CLSTN2: variants seen among roughly 807,000 people sequenced by gnomAD.
CLSTN2 encodes the protein calsyntenin-2.
CLSTN2 carries 48 observed loss-of-function variants against 101.2 expected under a neutral mutation model. That is an observed-to-expected ratio of 0.47 (90% CI 0.38 to 0.60). CLSTN2 has a LOEUF of 0.60. CLSTN2 is among the 20% of genes least tolerant of loss of function. The pLI is 0.00. For synonymous variants in CLSTN2, 481 were observed against 463.6 expected (o/e 1.04, Z -0.48); for missense variants, 1,160 against 1,238.2 (o/e 0.94, Z 0.95).
Position 140,403,768 on chromosome 3 carries a change from C to A in CLSTN2, c.372C>A (p.Ile124=), listed in dbSNP as rs74507604. 2.5e-3 allele frequency: 4,082 copies of A among 1,614,126 alleles called. 100 individuals carry two copies. The African/African-American group carries it at 0.047, about 18-fold the overall frequency. The change falls in exon 3 of 17, where the codon ATC becomes ATA. Residue 124 remains isoleucine, a synonymous_variant. Coordinates refer to ENST00000458420, the MANE Select transcript of CLSTN2 (RefSeq NM_022131.3). ...CELQKEYTFI[I]QAYDCGAGPH... ...TGCAGAAGGAGTACACATTCATCAT[C>A]CAGGCCTATGACTGTGGTGCTGGGC... is the stretch of plus-strand genomic sequence containing the variant.
Position 140,563,082 on chromosome 3 carries a change from C to A in CLSTN2, c.2361C>A (p.Val787=). Reference sequence around the variant, plus strand: ...GCACCTCTCCCCACTCTTCCCAGGTCAGCATCCTTCATGAAGACCAAGTCT... The same window carrying A: ...GCACCTCTCCCCACTCTTCCCAGGTAAGCATCCTTCATGAAGACCAAGTCT... ...RYTSNEFNLE[V]SILHEDQVSD... The change falls in exon 15 of 17, where the codon GTC becomes GTA. Residue 787 remains valine, a splice_region_variant and synonymous_variant. Coordinates refer to ENST00000458420, the MANE Select transcript of CLSTN2 (RefSeq NM_022131.3). The A allele has an allele frequency of 6.2e-7, 1 of 1,614,078 alleles. No individual in the cohort carries two copies.
intron 2 of CLSTN2, among the ~76,000 whole-genome samples, chr3:140,255,825 CT>C (rs1169090692): frequency 6.6e-6 from 1 of 152,102 alleles, no homozygotes; most frequent in Non-Finnish European, 1.5e-5. Context: ...ATAGAAATGT[CT>C]AGGGCTTGTT....
At chr3:140,043,683 T>C (rs1455254400) in intron 1 of CLSTN2, among the ~76,000 whole-genome samples, 1 of 152,326 alleles carries the variant, frequency 6.6e-6, no homozygotes, top group Non-Finnish European at 1.5e-5. Flanking sequence ...CTTTAATCCA[T>C]CTTGAATTAA....
chr3:140,413,789 G>A (rs997451022), intron 4 of CLSTN2, among the ~76,000 whole-genome samples: 1 of 152,034 alleles, frequency 6.6e-6, no homozygotes, highest in African/African-American at 2.4e-5. Context: ...TTAACATAAT[G>A]AAGGACAAAG....
chr3:140,496,757 C>T (rs1021851795), intron 8 of CLSTN2, among the ~76,000 whole-genome samples: 4 of 152,064 alleles, frequency 2.6e-5, no homozygotes, highest in Non-Finnish European at 5.9e-5. Flanking sequence ...TCTGGAGACC[C>T]CTGTTGGGAG....
At chr3:139,953,955 T>TGTGTGTGTGTGTGTGTG (rs1935342180) in intron 1 of CLSTN2, among the ~76,000 whole-genome samples, 1 of 24,256 alleles carries the variant, frequency 4.1e-5, no homozygotes, top group Non-Finnish European at 1.5e-4. Context: ...GTGTGTGTGT[T>TGTGTGTGTGTGTGTGTG]TGTGTTGGCT....
chr3:140,382,205 C>T (rs1351045295), intron 2 of CLSTN2, among the ~76,000 whole-genome samples: 1 of 152,198 alleles, frequency 6.6e-6, no homozygotes, highest in Non-Finnish European at 1.5e-5. Context: ...TTTGCAATCA[C>T]ATCTTTAATC....
intron 2 of CLSTN2, 144 bp from the exon 3 acceptor site, chr3:140,403,485 G>A: frequency 1.4e-6 from 1 of 705,634 alleles, no homozygotes; most frequent in Non-Finnish European, 2.5e-6. Context: ...AGGCAATGCT[G>A]ATGCTGCTGG....
chr3:140,466,835 C>G (rs367688300), intron 8 of CLSTN2, 104 bp downstream of exon 8: 4 of 1,485,664 alleles, frequency 2.7e-6, no homozygotes, highest in African/African-American at 2.8e-5. Context: ...GTCCTGACCA[C>G]TTGCTGAATT....
In CLSTN2 at chr3:140,562,181, T is replaced by C; in HGVS notation, c.2085T>C (p.Asp695=). The change falls in exon 13 of 17, where the codon GAT becomes GAC. Residue 695 remains aspartate (D), a synonymous_variant. Coordinates refer to ENST00000458420, the MANE Select transcript of CLSTN2 (RefSeq NM_022131.3). ...EVLEEMLHNL[D]FCDILVIGGD... ...TAGAGGAAATGCTTCATAACTTAGA[T>C]TTCTGTGACATTTTGGTGATCGGAG... 1.2e-6 allele frequency: 2 copies of C among 1,614,088 alleles called. No homozygotes were observed.
In CLSTN2 at chr3:140,528,985, A is replaced by G. The variant is rs142141915; in HGVS notation, c.1345-3339A>G. 9.2e-5 allele frequency among the ~76,000 whole-genome samples: 14 copies of G among 152,362 alleles called. No homozygotes were observed. The East Asian group carries it at 2.7e-3, about 29-fold the overall frequency. ...TTGACAGATAGTAGTTGGTAGGTGA[A>G]TGTATCTTATGTTGAATAGCTGCAT... On this transcript the variant is annotated intron_variant, in intron 8 of 16. Transcript: ENST00000458420.
intron 2 of CLSTN2, among the ~76,000 whole-genome samples, chr3:140,214,747 G>C (rs2107848662): frequency 6.6e-6 from 1 of 152,318 alleles, no homozygotes; most frequent in Non-Finnish European, 1.5e-5. Flanking sequence ...AGACAGCTTT[G>C]AGAACAGGGA....
rs1173990872 is a variant in CLSTN2, at chr3:140,466,699, C to T, written c.1312C>T (p.Arg438Cys). The change falls in exon 8 of 17, where the codon CGC becomes TGC. Residue 438 changes from arginine (R) to cysteine (C), a missense_variant. Physicochemically the swap from Arg to Cys is radical, Grantham distance 180. Coordinates refer to ENST00000458420, the MANE Select transcript of CLSTN2 (RefSeq NM_022131.3). ...RKDFDQADTFRPAEFHWKLDQ... is the reference protein window; with the variant it reads ...RKDFDQADTFCPAEFHWKLDQ... ...GGACTTCGACCAGGCTGACACCTTTCGCCCCGCGGAGTTCCACTGGAAGCT... is the reference window on the plus strand; with the variant it reads ...GGACTTCGACCAGGCTGACACCTTTTGCCCCGCGGAGTTCCACTGGAAGCT... 16 of 1,614,142 alleles carry T rather than the reference C, an allele frequency of 9.9e-6. No homozygotes were observed. The highest frequency in any genetic ancestry group is 4.5e-5 in the East Asian group (2 of 44,872).
intron 2 of CLSTN2, among the ~76,000 whole-genome samples, chr3:140,289,194 G>A (rs148990278): frequency 1.4e-3 from 216 of 152,254 alleles, no homozygotes; most frequent in East Asian, 8.7e-3. Flanking sequence ...GATAAGCTGT[G>A]TTATTACACC....
chr3:140,509,541 T>C (rs1346571648), intron 8 of CLSTN2, among the ~76,000 whole-genome samples: 1 of 152,216 alleles, frequency 6.6e-6, no homozygotes, highest in Non-Finnish European at 1.5e-5. Flanking sequence ...AAGCATTTTT[T>C]ACTCTGGGCC....
chr3:140,444,168 G>A (rs533776865), intron 5 of CLSTN2, among the ~76,000 whole-genome samples: 171 of 152,262 alleles, frequency 1.1e-3, no homozygotes, highest in African/African-American at 3.4e-3. Flanking sequence ...AAGCTATGTG[G>A]CCTGTAATTC....
chr3:140,153,753 A>G (rs1427130927), intron 1 of CLSTN2, among the ~76,000 whole-genome samples: 1 of 152,196 alleles, frequency 6.6e-6, no homozygotes, highest in African/African-American at 2.4e-5. Flanking sequence ...GCTCCACCTC[A>G]GGCCTTGGGG....
At chr3:140,484,666 T>C (rs536330948) in intron 8 of CLSTN2, among the ~76,000 whole-genome samples, 1 of 152,300 alleles carries the variant, frequency 6.6e-6, no homozygotes, top group East Asian at 1.9e-4. Flanking sequence ...TTCATTTCCT[T>C]TTATTCTTTT....
chr3:139,966,894 G>A (rs1252986587), intron 1 of CLSTN2, among the ~76,000 whole-genome samples: 1 of 152,186 alleles, frequency 6.6e-6, no homozygotes, highest in Non-Finnish European at 1.5e-5. Flanking sequence ...TGCAGTAACA[G>A]TATTGAGTGA....
Sources: allele counts gnomAD v4.1 joint callset (sites outside exome capture counted in the v4.1 genomes callset), GRCh38; gene constraint gnomAD v4.1.1; transcripts MANE v1.5; gene names NCBI Gene and HGNC (gene_info 2026-07-23, HGNC 2026-07-21).